PCDHGB3: variants seen among roughly 807,000 people sequenced by gnomAD.
The protein encoded by PCDHGB3 is protocadherin gamma-B3.
PCDHGB3 carries 40 observed loss-of-function variants against 59.2 expected under a neutral mutation model. That is an observed-to-expected ratio of 0.68 (90% confidence interval 0.52 to 0.88). The LOEUF is 0.88. Ranked by LOEUF, PCDHGB3 falls within the 40% of genes least tolerant of loss-of-function variation. The pLI, the probability that PCDHGB3 is intolerant of heterozygous loss-of-function variation, is 0.00. For synonymous variants in PCDHGB3, 581 were observed against 503.6 expected (o/e 1.15, Z -2.06); for missense variants, 1,309 against 1,187.9 (o/e 1.10, Z -1.50).
chr5:141,451,233 T>A (rs1431967203), intron 1 of PCDHGB3, among the ~76,000 whole-genome samples: 1 of 152,216 alleles, frequency 6.6e-6, no homozygotes, highest in African/African-American at 2.4e-5. Flanking sequence ...GCATTTATTA[T>A]CTCATAAATT....
At chr5:141,508,604 A>G (rs2099870124) in intron 3 of PCDHGB3, among the ~76,000 whole-genome samples, 1 of 152,150 alleles carries the variant, frequency 6.6e-6, no homozygotes, top group African/African-American at 2.4e-5. Flanking sequence ...TCTTGGGTGC[A>G]CATAGGACGT....
chr5:141,456,043 G>A (rs62379189), intron 1 of PCDHGB3, among the ~76,000 whole-genome samples: 6,917 of 151,746 alleles, frequency 0.046, 202 homozygotes, highest in Middle Eastern at 0.086. Flanking sequence ...GACTACAGGC[G>A]CCCACCACCA....
At chr5:141,505,673 G>C (rs1389292278) in intron 3 of PCDHGB3, among the ~76,000 whole-genome samples, 192 bp downstream of exon 3, 1 of 152,178 alleles carries the variant, frequency 6.6e-6, no homozygotes, top group East Asian at 1.9e-4. Context: ...AGGGGTTGGG[G>C]GTCCTGGGAT....
intron 2 of PCDHGB3, among the ~76,000 whole-genome samples, chr5:141,502,866 C>CTTTTT (rs549047197): frequency 1.6e-5 from 2 of 128,044 alleles, no homozygotes; most frequent in Non-Finnish European, 1.6e-5. Flanking sequence ...GACTCTCTGT[C>CTTTTT]TTTTTTTTTT....
chr5:141,410,665 G>A, intron 1 of PCDHGB3: 1 of 1,569,394 alleles, frequency 6.4e-7, no homozygotes, highest in Non-Finnish European at 8.6e-7. Context: ...TAGTCTACTA[G>A]TTTCTCATAT....
At chr5:141,380,146 C>T (rs754635164) in intron 1 of PCDHGB3, among the ~76,000 whole-genome samples, 19 of 151,960 alleles carry the variant, frequency 1.3e-4, no homozygotes, top group African/African-American at 4.1e-4. Flanking sequence ...GTGATCCACC[C>T]GCCTCAGCCT....
At chr5:141,433,272 C>A in intron 1 of PCDHGB3, 1 of 1,252,410 alleles carries the variant, frequency 8.0e-7, no homozygotes, top group Non-Finnish European at 1.1e-6. Context: ...TAGCTCACTG[C>A]AGCCTCAAAC....
chr5:141,384,158 T>A (rs1449699621), intron 1 of PCDHGB3: 1 of 1,613,550 alleles, frequency 6.2e-7, no homozygotes, highest in Non-Finnish European at 8.5e-7. Flanking sequence ...TTGTATAACA[T>A]CACACTGAAA....
chr5:141,410,153 C>G (rs200651346), intron 1 of PCDHGB3: 9 of 1,612,786 alleles, frequency 5.6e-6, no homozygotes. Context: ...TGACGGTGGA[C>G]AGCCGCCACT....
chr5:141,391,303 ATTCTTTTTTTT>A (rs2092340493), intron 1 of PCDHGB3: 1 of 150,682 alleles, frequency 6.6e-6, no homozygotes, highest in South Asian at 2.1e-4. Flanking sequence ...ACGTCTTTCG[ATTCTTTTTTTT>A]TTCTTTTTTT....
At chr5:141,418,577 C>T (rs1173424447) in intron 1 of PCDHGB3, 2 of 1,614,038 alleles carry the variant, frequency 1.2e-6, no homozygotes, top group South Asian at 1.1e-5. Context: ...TGACAACCCC[C>T]CAGTGTTCAG....
At chr5:141,492,606 C>G (rs1019615566) in intron 1 of PCDHGB3, among the ~76,000 whole-genome samples, 3 of 152,232 alleles carry the variant, frequency 2.0e-5, no homozygotes, top group African/African-American at 7.2e-5. Flanking sequence ...GACTGCCGCT[C>G]TAAGTGCCGG....
chr5:141,492,501 G>A (rs551410616), intron 1 of PCDHGB3, among the ~76,000 whole-genome samples: 8 of 152,302 alleles, frequency 5.3e-5, no homozygotes, highest in East Asian at 1.9e-4. Flanking sequence ...CGAGGACTCC[G>A]GAGCCTCCTC....
At chr5:141,382,914 G>A in intron 1 of PCDHGB3, 1 of 1,552,980 alleles carries the variant, frequency 6.4e-7, no homozygotes, top group Non-Finnish European at 8.7e-7. Flanking sequence ...CGGCTCAGCC[G>A]AGGGGCGGGG....
rs765243043 is a variant in PCDHGB3 at position 141,390,219 on chromosome 5, T to C, written c.2415+17410T>C. On this transcript the variant is annotated intron_variant, in intron 1 of 3. Coordinates refer to ENST00000576222, the MANE Select transcript of PCDHGB3 (RefSeq NM_018924.5). ...GTTGAGTTCAGGACAAGACATACTT[T>C]GCGGTGATTCATCTGGGGCCTTATT... 3.1e-6 allele frequency: 5 copies of C among 1,614,066 alleles called. No individual in the cohort carries two copies. In the South Asian group the frequency reaches 5.5e-5, roughly 18 times the overall value.
In PCDHGB3 at chr5:141,486,718, A is replaced by G; in HGVS notation, c.2416-8089A>G. 6.2e-7 allele frequency: 1 copy of G among 1,614,106 alleles called. No individual in the cohort carries two copies. The highest frequency in any genetic ancestry group is 1.7e-5 in the Admixed American group (1 of 60,022). On this transcript the variant is annotated intron_variant, in intron 1 of 3. Coordinates refer to ENST00000576222, the MANE Select transcript of PCDHGB3 (RefSeq NM_018924.5). This position sits in a 1 kb window ranked among gnomAD's most constrained non-coding sequence, Gnocchi z 5.0. Reference sequence around the variant, plus strand: ...TCATCTCTCTGAACCCCCAGACAGGAGCTGTTCATGCTACTCGATCCTTTG... The same window carrying G: ...TCATCTCTCTGAACCCCCAGACAGGGGCTGTTCATGCTACTCGATCCTTTG...
Position 141,476,110 on chromosome 5 carries a change from G to A in PCDHGB3, c.2416-18697G>A. ...GACCCCGCTGAGAGGAACTGCTTTT[G>A]AGTGAGATGGTCCCAGAGGCCTGGA... On this transcript the variant is annotated intron_variant, in intron 1 of 3. Transcript: ENST00000576222. The surrounding 1 kb of genome is among the most constrained non-coding windows in gnomAD (Gnocchi z 7.6). 1.9e-6 allele frequency: 3 copies of A among 1,589,382 alleles called. No homozygotes were observed. The highest frequency in any genetic ancestry group is 2.6e-6 in the Non-Finnish European group (3 of 1,170,364).
At chr5:141,467,643 C>G (rs2099147861) in intron 1 of PCDHGB3, among the ~76,000 whole-genome samples, 1 of 152,112 alleles carries the variant, frequency 6.6e-6, no homozygotes, top group Non-Finnish European at 1.5e-5. Flanking sequence ...TTATCATGTA[C>G]CAAACTTCTA....
intron 1 of PCDHGB3, chr5:141,409,290 G>T: frequency 6.2e-7 from 1 of 1,613,974 alleles, no homozygotes; most frequent in Non-Finnish European, 8.5e-7. Flanking sequence ...TCACCTCCAG[G>T]AATGGTTGTT....
Sources: gnomAD v4.1 joint callset for allele counts (sites outside exome capture counted in the v4.1 genomes callset) on GRCh38, gnomAD v4.1.1 for gene constraint, Gnocchi (gnomAD v3.1) non-coding constraint, MANE v1.5 for transcripts, NCBI Gene and HGNC (gene_info 2026-07-23, HGNC 2026-07-21) for gene names.